UVSSA: variants seen among roughly 807,000 people sequenced by gnomAD.
UVSSA encodes UV-stimulated scaffold protein A.
UVSSA carries 72 observed loss-of-function variants against 73.9 expected under a neutral mutation model. The ratio of observed to expected loss-of-function variants is 0.97; its 90% CI spans 0.81 to 1.19. The LOEUF (loss-of-function observed/expected upper bound fraction) is 1.19, where lower values mean the gene tolerates loss of function less well. UVSSA is among the 50% of genes most tolerant of loss of function. UVSSA has a pLI of 0.00. For missense variants in UVSSA, 1,150 were observed against 965.0 expected (o/e 1.19, Z -2.54); for synonymous variants, 454 against 391.3 (o/e 1.16, Z -1.89).
chr4:1,381,532 A>C (rs1047393850), intron 12 of UVSSA, among the ~76,000 whole-genome samples: 3 of 152,146 alleles, frequency 2.0e-5, no homozygotes, highest in African/African-American at 2.4e-5. Context: ...AGCAGGGCCC[A>C]TCTGCCCACC....
chr4:1,352,061 C>T (rs189472558), intron 4 of UVSSA, among the ~76,000 whole-genome samples: 58 of 152,380 alleles, frequency 3.8e-4, no homozygotes, highest in Non-Finnish European at 7.2e-4. Context: ...CACGCCCGTT[C>T]GCTGCGCGGA....
intron 10 of UVSSA, 42 bp from the exon 11 acceptor site, chr4:1,380,005 G>A: frequency 6.4e-7 from 1 of 1,553,584 alleles, no homozygotes; most frequent in East Asian, 2.4e-5. Flanking sequence ...GCTCTTCTGG[G>A]GTCCCTGCAG....
Position 1,380,907 on chromosome 4 carries a change from C to A in UVSSA, c.1780C>A (p.Arg594=), listed in dbSNP as rs28614045. 0.68 allele frequency: 1,102,733 copies of A among 1,612,738 alleles called. 378,224 individuals carry two copies. Among genetic ancestry groups the A allele is most frequent in the Admixed American group, 0.81 (48,567 of 60,004 alleles). The stretch of plus-strand genomic sequence containing the variant: ...CCCTTTCCATGGGAAGATTGTTCCA[C>A]GGGACGACGAAGGACGGCCGCTCGA... The part of the protein sequence containing the change: ...KCPFHGKIVP[R]DDEGRPLDPE... The change falls in exon 12 of 14, where the codon CGG becomes AGG. Residue 594 remains arginine (R), a synonymous_variant. Transcript: ENST00000389851.
intron 11 of UVSSA, 40 bp downstream of exon 11, chr4:1,380,270 G>T: frequency 6.3e-7 from 1 of 1,583,956 alleles, no homozygotes. Flanking sequence ...GTGTGGGCTG[G>T]ACCAGGTGGG....
chr4:1,371,164 G>T (rs555297726), intron 8 of UVSSA, among the ~76,000 whole-genome samples: 154 of 152,292 alleles, frequency 1.0e-3, no homozygotes, highest in Non-Finnish European at 2.0e-3. Context: ...GGACGTGTAT[G>T]TGTGTGTATG....
intron 7 of UVSSA, chr4:1,359,135 G>C (rs1324152457): frequency 1.3e-5 from 2 of 152,232 alleles, no homozygotes; most frequent in African/African-American, 4.8e-5. Context: ...TACTTAGGCG[G>C]GTTTGAATAT....
chr4:1,395,640 A>C, exon 14 of UVSSA: 2 of 1,597,428 alleles, frequency 1.3e-6, no homozygotes, highest in South Asian at 2.2e-5. Context: ...GCCTGCTCAC[A>C]CGTGCCCATG....
At position 1,351,020 on chromosome 4, in the gene UVSSA, C is replaced by G. The variant is rs141016509; in HGVS notation, c.430-695C>G. Among the ~76,000 whole-genome samples the G allele has an allele frequency of 1.8e-4, 27 of 152,256 alleles. No individual in the cohort carries two copies. The East Asian group carries it at 4.4e-3, about 25-fold the overall frequency. On this transcript the variant is annotated intron_variant, in intron 3 of 13. Coordinates refer to ENST00000389851, the MANE Select transcript of UVSSA (RefSeq NM_020894.4). ...TCCCTGGTCCAAGTGATCCTCCTGC[C>G]TCAGCCTCCCAAGTAGCTGGGACTA...
chr4:1,345,064 G>A (rs996140586), upstream of UVSSA, among the ~76,000 whole-genome samples: 7 of 152,160 alleles, frequency 4.6e-5, no homozygotes, highest in Non-Finnish European at 1.0e-4. Flanking sequence ...TTGTGTAGAG[G>A]AATCCTGTGA....
rs983022547 is a variant in UVSSA, at chr4:1,386,143, C to T, written c.*182C>T. The T allele has an allele frequency of 3.3e-5, 22 of 671,388 alleles. No individual in the cohort carries two copies. Among genetic ancestry groups the T allele is most frequent in the African/African-American group, 1.3e-4 (7 of 55,986 alleles). 41.6% of individuals were successfully genotyped at this position (671,388 alleles called of 1,614,324 possible). On this transcript the variant is annotated 3_prime_UTR_variant, in exon 14 of 14. Coordinates refer to ENST00000389851, the MANE Select transcript of UVSSA (RefSeq NM_020894.4). ...GCTCTGCTGCTACAGGGTTCGGCAT[C>T]GTCTGGTGATGGGTCTGGCCTCGCA... is the stretch of plus-strand genomic sequence containing the variant.
In UVSSA at chr4:1,394,354, T is replaced by G. The variant is rs1028620261; in HGVS notation, c.*8393T>G. 3.9e-6 allele frequency: 5 copies of G among 1,282,188 alleles called. No individual in the cohort carries two copies. In the African/African-American group the frequency reaches 6.0e-5, roughly 15 times the overall value. 79.4% of individuals were successfully genotyped at this position (1,282,188 alleles called of 1,614,324 possible). ...TAGAATGCTCTTCCCCCTTAAAGAT[T>G]ATATTTGAAATGTTTTCCATGTTTT... On this transcript the variant is annotated 3_prime_UTR_variant, in exon 14 of 14. Coordinates refer to the UVSSA transcript ENST00000511216.
intron 10 of UVSSA, among the ~76,000 whole-genome samples, chr4:1,376,543 T>C (rs1577363259): frequency 6.6e-6 from 1 of 152,156 alleles, no homozygotes; most frequent in East Asian, 1.9e-4. Context: ...CTGACCGTGT[T>C]GCAGCTGCTC....
chr4:1,394,105 C>A, exon 14 of UVSSA: 1 of 327,638 alleles, frequency 3.1e-6, no homozygotes, highest in Non-Finnish European at 5.7e-6. Context: ...TTCTTACTTG[C>A]ACACAGCCAC....
intron 12 of UVSSA, among the ~76,000 whole-genome samples, chr4:1,382,881 G>A (rs1228269367): frequency 1.3e-5 from 2 of 152,212 alleles, no homozygotes. Context: ...TGCCTCTGTA[G>A]CATTGGTGCC....
intron 12 of UVSSA, among the ~76,000 whole-genome samples, chr4:1,382,514 C>T (rs1194555904): frequency 1.3e-5 from 2 of 152,224 alleles, no homozygotes; most frequent in Non-Finnish European, 2.9e-5. Context: ...ATTGATTTTC[C>T]TCAAAGGCTT....
At chr4:1,394,227 T>G (rs1333659445) in exon 14 of UVSSA, 4 of 594,122 alleles carry the variant, frequency 6.7e-6, no homozygotes, top group African/African-American at 5.6e-5. Flanking sequence ...TGGCAGAGCT[T>G]CTCAGCGGCC....
At chr4:1,344,844 T>C (rs148423278), upstream of UVSSA, among the ~76,000 whole-genome samples, 117 of 152,108 alleles carry the variant, frequency 7.7e-4, 1 homozygote, top group East Asian at 7.0e-3. Context: ...TGCAGAAGTA[T>C]TTGCTCAGGG....
chr4:1,391,445 T>C (rs1720413399), downstream of UVSSA: 1 of 152,276 alleles, frequency 6.6e-6, no homozygotes, highest in African/African-American at 2.4e-5. Flanking sequence ...TTCAGTTTTG[T>C]CAGCTTTTGT....
intron 10 of UVSSA, among the ~76,000 whole-genome samples, chr4:1,376,800 TGCC>T (rs1332545041): frequency 1.3e-5 from 2 of 152,150 alleles, no homozygotes; most frequent in East Asian, 1.9e-4. Flanking sequence ...ACAGGGCCCC[TGCC>T]GCCGCCTCAG....
Sources: gnomAD v4.1 joint callset for allele counts (sites outside exome capture counted in the v4.1 genomes callset) on GRCh38, gnomAD v4.1.1 for gene constraint, MANE v1.5 for transcripts, NCBI Gene and HGNC (gene_info 2026-07-23, HGNC 2026-07-21) for gene names.